The following CCM2 variants were observed in gnomAD, a reference collection of about 807,000 sequenced individuals.
CCM2 encodes the protein cerebral cavernous malformations 2 protein.
In CCM2, 25 loss-of-function variants were observed where a neutral mutation model predicts 44.9. The observed-to-expected ratio is 0.56, with a 90% CI of 0.41 to 0.78. The LOEUF (loss-of-function observed/expected upper bound fraction) is 0.78, where lower values mean the gene tolerates loss of function less well. Among genes scored for constraint, CCM2 ranks in the 30% least tolerant of loss-of-function variants. The pLI is 0.00. For synonymous variants in CCM2, 219 were observed against 241.1 expected, an observed-to-expected ratio of 0.91 and a Z score of 0.85; for missense variants, 481 against 580.6, an observed-to-expected ratio of 0.83 and a Z score of 1.76.
intron 4 of CCM2, among the ~76,000 whole-genome samples, chr7:45,066,356 A>C (rs1171481735): frequency 6.6e-6 from 1 of 152,148 alleles, no homozygotes; most frequent in Non-Finnish European, 1.5e-5. Context: ...TATGTTGCCC[A>C]CGCTGGTCTT....
intron 2 of CCM2, among the ~76,000 whole-genome samples, chr7:45,059,227 T>C (rs1263887301): frequency 6.6e-6 from 1 of 152,126 alleles, no homozygotes; most frequent in East Asian, 1.9e-4. Flanking sequence ...CTGGGATAAA[T>C]CCTGCCTGGT....
intron 1 of CCM2, among the ~76,000 whole-genome samples, chr7:45,007,825 G>A (rs1795904510): frequency 1.3e-5 from 2 of 152,164 alleles, no homozygotes; most frequent in Non-Finnish European, 2.9e-5. Context: ...TAGTTGAGGA[G>A]TGGGAGATAA....
chr7:45,068,025 G>C lies in CCM2; in HGVS notation c.473-418G>C, dbSNP rs375272881. 142 of 271,436 alleles carry C rather than the reference G, an allele frequency of 5.2e-4. 4 individuals are homozygous for C. The South Asian group carries it at 5.3e-3, about 10-fold the overall frequency. 16.8% of individuals were successfully genotyped at this position (271,436 alleles called of 1,614,324 possible). A position where few individuals can be genotyped will look rare whatever the true frequency, so the allele number is the denominator to read the frequency against. The stretch of plus-strand genomic sequence containing the variant: ...GAAACAAGGGCACTGGGGTCTGACC[G>C]TCTAGATTGCCATGTGGACAGTGCA... On this transcript the variant is annotated intron_variant, in intron 4 of 9. Transcript: ENST00000258781.
In CCM2 at chr7:45,072,761, T is replaced by G. The variant is rs1799140144; in HGVS notation, c.781T>G (p.Tyr261Asp). 1.9e-6 allele frequency: 3 copies of G among 1,612,872 alleles called. No homozygotes were observed. Among genetic ancestry groups the G allele is most frequent in the Non-Finnish European group, 2.5e-6 (3 of 1,179,752 alleles). The change falls in exon 7 of 10, where the codon TAC (tyrosine) becomes GAC (aspartate). Residue 261 changes from tyrosine (Y) to aspartate (D), a missense_variant. Tyr to Asp is a radical substitution (Grantham distance 160, BLOSUM62 -3). Transcript: ENST00000258781. Reference protein sequence around the residue: ...SSTKVDIKETYEVEASTFCFP... With the variant: ...SSTKVDIKETDEVEASTFCFP... ...TACAAAAGTGGACATTAAGGAGACC[T>G]ACGAGGTGGAAGCCAGCACTTTGTG... is the stretch of plus-strand genomic sequence containing the variant.
intron 2 of CCM2, among the ~76,000 whole-genome samples, chr7:45,045,659 C>T (rs1047072425): frequency 6.6e-6 from 1 of 152,062 alleles, no homozygotes. Context: ...GACGTGGTGG[C>T]GGGTGCCTGT....
rs540645459 is a variant in CCM2, at chr7:45,035,847, A to G, written c.31-2406A>G. Among the ~76,000 whole-genome samples the G allele has an allele frequency of 8.4e-4, 128 of 152,306 alleles. 1 individual carries two copies. Among genetic ancestry groups the G allele is most frequent in the Non-Finnish European group, 1.7e-3 (116 of 68,030 alleles). ...TATACATATATATATATATGTATAG[A>G]CAGCAGTGGAAGAAGAGATAAATTT... is the stretch of plus-strand genomic sequence containing the variant. On this transcript the variant is annotated intron_variant, in intron 1 of 9. Coordinates refer to ENST00000258781, the MANE Select transcript of CCM2 (RefSeq NM_031443.4).
At chr7:45,005,456 G>A (rs917840747) in intron 1 of CCM2, among the ~76,000 whole-genome samples, 1 of 152,240 alleles carries the variant, frequency 6.6e-6, no homozygotes, top group Non-Finnish European at 1.5e-5. Flanking sequence ...CTTCCCTGCA[G>A]ACGAGAAGGG....
At chr7:45,040,588 A>AC (rs2128730833) in intron 2 of CCM2, among the ~76,000 whole-genome samples, 1 of 152,120 alleles carries the variant, frequency 6.6e-6, no homozygotes, top group East Asian at 1.9e-4. Flanking sequence ...GATGGACATG[A>AC]CTCCCCCCAT....
intron 1 of CCM2, among the ~76,000 whole-genome samples, chr7:45,036,889 G>C (rs1797244248): frequency 6.6e-6 from 1 of 152,124 alleles, no homozygotes; most frequent in Non-Finnish European, 1.5e-5. Context: ...TGCCATCTGT[G>C]CACTGGGTCA....
intron 1 of CCM2, among the ~76,000 whole-genome samples, chr7:45,031,253 AC>A (rs1188360067): frequency 1.3e-5 from 2 of 151,176 alleles, no homozygotes; most frequent in African/African-American, 4.9e-5. Context: ...GTGGTGGTGC[AC>A]ACCTGTAATC....
chr7:45,035,067 C>T (rs1797152162), intron 1 of CCM2, among the ~76,000 whole-genome samples: 1 of 152,096 alleles, frequency 6.6e-6, no homozygotes, highest in Non-Finnish European at 1.5e-5. Flanking sequence ...AATCCCTGAG[C>T]TCAACAATCT....
intron 4 of CCM2, 177 bp from the exon 5 acceptor site, chr7:45,068,266 C>A (rs769911234): frequency 1.3e-6 from 1 of 758,810 alleles, no homozygotes. Context: ...TGTTCCCACC[C>A]TTATTTAGAG....
chr7:45,017,035 C>T (rs1583854594), intron 1 of CCM2, among the ~76,000 whole-genome samples: 1 of 152,166 alleles, frequency 6.6e-6, no homozygotes, highest in African/African-American at 2.4e-5. Context: ...TCCCAAAGTG[C>T]TGAGATTACA....
intron 2 of CCM2, among the ~76,000 whole-genome samples, chr7:45,043,205 G>A (rs1038888927): frequency 6.6e-6 from 1 of 151,988 alleles, no homozygotes; most frequent in Non-Finnish European, 1.5e-5. Context: ...CTAGACTCAA[G>A]CAGTCCTCCC....
At chr7:45,061,562 G>A (rs1798523958) in intron 2 of CCM2, among the ~76,000 whole-genome samples, 1 of 151,304 alleles carries the variant, frequency 6.6e-6, no homozygotes, top group African/African-American at 2.4e-5. Flanking sequence ...CAACCTCCTG[G>A]GCTCAAATGA....
chr7:45,070,408 G>A, intron 6 of CCM2: 1 of 455,822 alleles, frequency 2.2e-6, no homozygotes. Context: ...CAGACCCATG[G>A]GAAGCTGCTC....
chr7:45,058,565 C>T (rs986898969), intron 2 of CCM2, among the ~76,000 whole-genome samples: 5 of 146,642 alleles, frequency 3.4e-5, no homozygotes, highest in South Asian at 2.2e-4. Flanking sequence ...TGAGAACATG[C>T]GGTGTTTGTT....
Position 45,048,757 on chromosome 7 carries a change from C to CT in CCM2, c.204+10332dup, listed in dbSNP as rs1483724856. Among the ~76,000 whole-genome samples, 42 of 147,260 alleles carry CT rather than the reference C, an allele frequency of 2.9e-4. 2 individuals are homozygous for CT. The highest frequency in any genetic ancestry group is 9.1e-4 in the African/African-American group (36 of 39,658). On this transcript the variant is annotated intron_variant, in intron 2 of 9. Transcript: ENST00000258781. ...CAGGCTGGTGACAGAGCAAGACTGTCTAAAAAAAAAAAAAAATTCTTTCTG... is the reference window on the plus strand; with the variant it reads ...CAGGCTGGTGACAGAGCAAGACTGTCTTAAAAAAAAAAAAAAATTCTTTCTG...
At chr7:45,028,613 C>T (rs374222328) in intron 1 of CCM2, among the ~76,000 whole-genome samples, 1 of 151,876 alleles carries the variant, frequency 6.6e-6, no homozygotes, top group Admixed American at 6.6e-5. Flanking sequence ...GCCGAGATTG[C>T]GCCACTGCAC....
Sources: allele counts gnomAD v4.1 joint callset (sites outside exome capture counted in the v4.1 genomes callset), GRCh38; gene constraint gnomAD v4.1.1; transcripts MANE v1.5; gene names NCBI Gene and HGNC (gene_info 2026-07-23, HGNC 2026-07-21).